PLEKHG1: variants seen among roughly 807,000 people sequenced by gnomAD.
PLEKHG1 encodes the protein pleckstrin homology and RhoGEF domain containing G1, also known as pleckstrin homology domain-containing family G member 1.
PLEKHG1 carries 44 observed loss-of-function variants against 100.8 expected under a neutral mutation model. That is an observed-to-expected ratio of 0.44 (90% CI 0.34 to 0.56). The LOEUF (loss-of-function observed/expected upper bound fraction) is 0.56. Among genes scored for constraint, PLEKHG1 ranks in the 20% least tolerant of loss-of-function variants. PLEKHG1 has a pLI of 0.01. For synonymous variants in PLEKHG1, 640 were observed against 662.5 expected (o/e 0.97, Z 0.52); for missense variants, 1,545 against 1,720.9 (o/e 0.90, Z 1.81).
chr6:150,599,914 C>G (rs1474787443), exon 1 of PLEKHG1: 3 of 190,608 alleles, frequency 1.6e-5, no homozygotes, highest in African/African-American at 4.8e-5. Flanking sequence ...AGCCCGACGG[C>G]GGCTGCAGGG....
intron 2 of PLEKHG1, among the ~76,000 whole-genome samples, chr6:150,646,762 AT>A (rs1398456295): frequency 6.6e-6 from 1 of 152,214 alleles, no homozygotes; most frequent in Non-Finnish European, 1.5e-5. Flanking sequence ...TCTATTCCAA[AT>A]AGTGATTCTT....
intron 1 of PLEKHG1, among the ~76,000 whole-genome samples, chr6:150,619,684 A>AG (rs1161906684): frequency 6.6e-6 from 1 of 152,212 alleles, no homozygotes; most frequent in Non-Finnish European, 1.5e-5. Flanking sequence ...GAGGAAGTAC[A>AG]GGGGTAAAGA....
At chr6:150,599,942 C>T in exon 1 of PLEKHG1, 2 of 201,314 alleles carry the variant, frequency 9.9e-6, no homozygotes, top group South Asian at 1.2e-4. Flanking sequence ...GCAGCCCGAG[C>T]CGGCGCAGCG....
intron 5 of PLEKHG1, among the ~76,000 whole-genome samples, chr6:150,797,664 G>T (rs1178424): frequency 6.6e-6 from 1 of 151,228 alleles, no homozygotes; most frequent in Non-Finnish European, 1.5e-5. Context: ...GCAAAACCCC[G>T]TCTCTACTAA....
intron 12 of PLEKHG1, among the ~76,000 whole-genome samples, chr6:150,820,830 A>G (rs1158173058): frequency 6.6e-6 from 1 of 152,144 alleles, no homozygotes; most frequent in Admixed American, 6.6e-5. Flanking sequence ...GTACCATTGC[A>G]CTCCAACCTG....
At chr6:150,832,450 T>C (rs1777003228) in intron 15 of PLEKHG1, among the ~76,000 whole-genome samples, 1 of 152,146 alleles carries the variant, frequency 6.6e-6, no homozygotes, top group Non-Finnish European at 1.5e-5. Context: ...ACTGCAGAGA[T>C]AATATTTTAA....
chr6:150,796,781 A>C (rs1426356229), intron 5 of PLEKHG1, among the ~76,000 whole-genome samples: 1 of 152,046 alleles, frequency 6.6e-6, no homozygotes, highest in Non-Finnish European at 1.5e-5. Flanking sequence ...AGGCTCTGAT[A>C]GGTAAGGTGA....
intron 1 of PLEKHG1, among the ~76,000 whole-genome samples, chr6:150,633,474 A>C (rs1377289796): frequency 6.6e-6 from 1 of 152,202 alleles, no homozygotes; most frequent in African/African-American, 2.4e-5. Context: ...GGAATCAGGC[A>C]GAGTGCAGAG....
intron 3 of PLEKHG1, among the ~76,000 whole-genome samples, chr6:150,709,887 G>A (rs1225404659): frequency 6.6e-6 from 1 of 152,158 alleles, no homozygotes; most frequent in African/African-American, 2.4e-5. Context: ...TTGGGTTCAA[G>A]TGATCCTCCC....
intron 7 of PLEKHG1, among the ~76,000 whole-genome samples, chr6:150,807,242 G>T: frequency 6.6e-6 from 1 of 152,162 alleles, no homozygotes; most frequent in Middle Eastern, 3.2e-3. Context: ...AGTATATTTA[G>T]AGGTCAATAC....
intron 3 of PLEKHG1, among the ~76,000 whole-genome samples, chr6:150,778,637 C>T (rs1785124125): frequency 6.6e-6 from 1 of 152,146 alleles, no homozygotes; most frequent in East Asian, 1.9e-4. Context: ...CTTTTCACCC[C>T]TGGTCAGATC....
At chr6:150,723,351 G>A (rs1047547517) in intron 1 of PLEKHG1, among the ~76,000 whole-genome samples, 1 of 152,228 alleles carries the variant, frequency 6.6e-6, no homozygotes, top group Non-Finnish European at 1.5e-5. Context: ...ACAGAGGGTT[G>A]TGGATATATG....
chr6:150,636,858 A>G (rs1485624959), intron 1 of PLEKHG1, among the ~76,000 whole-genome samples: 1 of 152,220 alleles, frequency 6.6e-6, no homozygotes, highest in Non-Finnish European at 1.5e-5. Flanking sequence ...AACAGTTGCT[A>G]TATTTGTCTT....
chr6:150,687,762 C>T (rs865874403), intron 3 of PLEKHG1, among the ~76,000 whole-genome samples: 3 of 152,194 alleles, frequency 2.0e-5, no homozygotes, highest in Non-Finnish European at 4.4e-5. Context: ...TCTGACCCCA[C>T]GCCCTGAGAG....
Position 150,792,268 on chromosome 6 carries a change from A to G in PLEKHG1, c.583-3588A>G, listed in dbSNP as rs181839660. 2.4e-3 allele frequency among the ~76,000 whole-genome samples: 362 copies of G among 151,832 alleles called. 1 individual carries two copies. Among genetic ancestry groups the G allele is most frequent in the African/African-American group, 8.6e-3 (355 of 41,380 alleles). On this transcript the variant is annotated intron_variant, in intron 4 of 15. Transcript: ENST00000358517. Reference sequence around the variant, plus strand: ...GCTACTTGGGAGGCTGAGGCAGGAGAATCACTTGAATCCAGGAGGTAGAGG... The same window carrying G: ...GCTACTTGGGAGGCTGAGGCAGGAGGATCACTTGAATCCAGGAGGTAGAGG...
chr6:150,731,911 G>A (rs2128616624), intron 1 of PLEKHG1, among the ~76,000 whole-genome samples: 1 of 151,768 alleles, frequency 6.6e-6, no homozygotes, highest in East Asian at 1.9e-4. Flanking sequence ...ATTTTCACAT[G>A]GGTCCTTTTG....
chr6:150,724,053 G>C (rs1781834856), intron 1 of PLEKHG1, among the ~76,000 whole-genome samples: 2 of 152,202 alleles, frequency 1.3e-5, no homozygotes, highest in South Asian at 4.1e-4. Flanking sequence ...AGGATAACCA[G>C]ACTTTTAAAT....
intron 3 of PLEKHG1, among the ~76,000 whole-genome samples, chr6:150,655,707 C>CAAAAAA (rs775753925): frequency 0.016 from 565 of 36,440 alleles, 1 homozygote; most frequent in Middle Eastern, 0.021. Context: ...GACTCCATCT[C>CAAAAAA]AAAAAAAAAA....
rs564066964 is a variant in PLEKHG1, at chr6:150,699,198, T to G, written c.-98-34386T>G. Among the ~76,000 whole-genome samples, 12 of 152,296 alleles carry G rather than the reference T, an allele frequency of 7.9e-5. No individual in the cohort carries two copies. In the East Asian group the frequency reaches 2.3e-3, roughly 29 times the overall value. ...GGTACAGGAGGGCCCTTTGTACGTTTTTGGTTTGGTTTTGTTTTTGCAGTT... is the reference window on the plus strand; with the variant it reads ...GGTACAGGAGGGCCCTTTGTACGTTGTTGGTTTGGTTTTGTTTTTGCAGTT... On this transcript the variant is annotated intron_variant, in intron 3 of 3. Coordinates refer to the PLEKHG1 transcript ENST00000367326.
Sources: gnomAD v4.1 joint callset for allele counts (sites outside exome capture counted in the v4.1 genomes callset) on GRCh38, gnomAD v4.1.1 for gene constraint, MANE v1.5 for transcripts, NCBI Gene and HGNC (gene_info 2026-07-23, HGNC 2026-07-21) for gene names.